Variants in DPP6 observed in about 807,000 individuals in gnomAD.
DPP6 encodes the protein dipeptidyl peptidase like 6, also known as A-type potassium channel modulatory protein DPP6.
In DPP6, 69 loss-of-function variants were observed where a neutral mutation model predicts 122.6. That is an observed-to-expected ratio of 0.56 (90% CI 0.46 to 0.69). DPP6 has a LOEUF of 0.69. Among genes scored for constraint, DPP6 ranks in the 30% least tolerant of loss-of-function variants. DPP6 has a pLI of 0.00. For missense variants in DPP6, 928 were observed against 1,116.9 expected, an observed-to-expected ratio of 0.83 and a Z score of 2.41; for synonymous variants, 418 against 433.1, an observed-to-expected ratio of 0.97 and a Z score of 0.43.
chr7:154,809,801 TC>T (rs1390927556), intron 16 of DPP6, among the ~76,000 whole-genome samples: 1 of 152,204 alleles, frequency 6.6e-6, no homozygotes, highest in East Asian at 1.9e-4. Flanking sequence ...TCGGTCATAT[TC>T]CTAACACATA....
chr7:154,645,999 G>C (rs77316595), intron 6 of DPP6, among the ~76,000 whole-genome samples: 17,215 of 137,272 alleles, frequency 0.13, 1,105 homozygotes, highest in East Asian at 0.19. Context: ...CTGCACTCCA[G>C]CTCGGGCGGC....
chr7:154,681,503 A>C (rs1404378837), intron 7 of DPP6, among the ~76,000 whole-genome samples: 1 of 152,156 alleles, frequency 6.6e-6, no homozygotes, highest in African/African-American at 2.4e-5. Flanking sequence ...GTGGAGCCGC[A>C]CCACACTTGC....
chr7:154,423,386 G>A (rs1215411095), intron 1 of DPP6, among the ~76,000 whole-genome samples: 1 of 152,136 alleles, frequency 6.6e-6, no homozygotes, highest in African/African-American at 2.4e-5. Flanking sequence ...AGACACAGAG[G>A]CTCTGTCCTC....
At chr7:154,540,723 C>T in intron 4 of DPP6, 97 bp downstream of exon 4, 1 of 692,564 alleles carries the variant, frequency 1.4e-6, no homozygotes, top group East Asian at 2.9e-5. Flanking sequence ...TTAGCATAGC[C>T]AAGGAGAAGC....
At chr7:154,881,602 C>T (rs1025250858) in intron 21 of DPP6, among the ~76,000 whole-genome samples, 6 of 152,220 alleles carry the variant, frequency 3.9e-5, no homozygotes, top group African/African-American at 1.2e-4. Context: ...GAGTGACCCT[C>T]AGCACAGGCC....
At chr7:154,870,146 CTTT>C (rs61457825) in intron 18 of DPP6, among the ~76,000 whole-genome samples, 5 of 121,692 alleles carry the variant, frequency 4.1e-5, no homozygotes, top group African/African-American at 1.3e-4. Flanking sequence ...CCAACTAATT[CTTT>C]TTTTTTTTTT....
At chr7:154,700,958 C>T (rs576225716) in intron 7 of DPP6, among the ~76,000 whole-genome samples, 10 of 152,294 alleles carry the variant, frequency 6.6e-5, no homozygotes, top group South Asian at 6.2e-4. Flanking sequence ...TGCCCAAGGG[C>T]TCAGATATGA....
intron 3 of DPP6, among the ~76,000 whole-genome samples, chr7:154,489,789 C>G (rs1429992629): frequency 6.6e-6 from 1 of 152,168 alleles, no homozygotes; most frequent in African/African-American, 2.4e-5. Context: ...GCAGATTAAT[C>G]TAGCTGTGCT....
At chr7:153,923,485 G>A (rs573187529) in intron 1 of DPP6, among the ~76,000 whole-genome samples, 10 of 152,230 alleles carry the variant, frequency 6.6e-5, no homozygotes, top group African/African-American at 9.6e-5. Context: ...ATCTTGGCCC[G>A]GCGTGGTGGC....
intron 1 of DPP6, among the ~76,000 whole-genome samples, chr7:154,295,000 G>A (rs1805445647): frequency 6.6e-6 from 1 of 152,234 alleles, no homozygotes; most frequent in South Asian, 2.1e-4. Flanking sequence ...GCATGGTGGT[G>A]CCGTGCCATC....
chr7:154,111,755 A>G (rs893390171), intron 1 of DPP6, among the ~76,000 whole-genome samples: 1 of 152,066 alleles, frequency 6.6e-6, no homozygotes, highest in African/African-American at 2.4e-5. Context: ...CCATCTGAAT[A>G]TGGCTGAAGC....
intron 1 of DPP6, among the ~76,000 whole-genome samples, chr7:154,026,136 C>T (rs1225818883): frequency 4.0e-5 from 6 of 151,604 alleles, no homozygotes; most frequent in South Asian, 2.1e-4. Flanking sequence ...AGGTCAGGTA[C>T]GCAGGTGCCA....
At chr7:153,939,780 A>T (rs1801616175) in intron 1 of DPP6, among the ~76,000 whole-genome samples, 1 of 152,188 alleles carries the variant, frequency 6.6e-6, no homozygotes, top group Non-Finnish European at 1.5e-5. Context: ...ACTTTATTGC[A>T]TTTTGCTATG....
intron 1 of DPP6, among the ~76,000 whole-genome samples, chr7:154,219,059 C>A (rs949069074): frequency 2.0e-5 from 3 of 152,234 alleles, no homozygotes; most frequent in Non-Finnish European, 4.4e-5. Flanking sequence ...GAATCTCTAT[C>A]ATTCTGAAAT....
At chr7:153,937,915 GA>G in intron 1 of DPP6, among the ~76,000 whole-genome samples, 1 of 152,266 alleles carries the variant, frequency 6.6e-6, no homozygotes, top group South Asian at 2.1e-4. Flanking sequence ...AAGCCTGTTG[GA>G]ATTACACATG....
chr7:153,964,999 T>TTCCTTC (rs1563055951), intron 1 of DPP6, among the ~76,000 whole-genome samples: 1,957 of 62,442 alleles, frequency 0.031, 146 homozygotes, highest in East Asian at 0.073. Flanking sequence ...TTCCTTCCTT[T>TTCCTTC]CTTCCTTCCT....
the DPP6 span, among the ~76,000 whole-genome samples, chr7:153,818,993 G>A: frequency 4.1e-5 from 6 of 146,342 alleles, no homozygotes; most frequent in African/African-American, 1.3e-4. Flanking sequence ...CTCGTGATCC[G>A]CCCTCATCAG....
chr7:154,632,943 T>C (rs1202223581), intron 5 of DPP6, among the ~76,000 whole-genome samples: 1 of 152,220 alleles, frequency 6.6e-6, no homozygotes, highest in Non-Finnish European at 1.5e-5. Context: ...AAAAAATTAT[T>C]GAATGCCAAT....
At chr7:154,020,459 A>C (rs1312519538) in intron 1 of DPP6, among the ~76,000 whole-genome samples, 1 of 151,752 alleles carries the variant, frequency 6.6e-6, no homozygotes, top group African/African-American at 2.4e-5. Flanking sequence ...AGAGAACATT[A>C]AAAGATTAGC....
Sources: gnomAD v4.1 joint callset for allele counts (sites outside exome capture counted in the v4.1 genomes callset) on GRCh38, gnomAD v4.1.1 for gene constraint, MANE v1.5 for transcripts, NCBI Gene and HGNC (gene_info 2026-07-23, HGNC 2026-07-21) for gene names.